SLCO4A1: variants seen among roughly 807,000 people sequenced by gnomAD.
The protein encoded by SLCO4A1 is solute carrier organic anion transporter family member 4A1.
In SLCO4A1, 51 loss-of-function variants were observed where a neutral mutation model predicts 64.6. The ratio of observed to expected loss-of-function variants is 0.79; its 90% CI spans 0.63 to 1.00. The LOEUF is 1.00. SLCO4A1 is among the 50% of genes least tolerant of loss of function. SLCO4A1 has a pLI of 0.00. For synonymous variants in SLCO4A1, 471 were observed against 444.9 expected (o/e 1.06, Z -0.74); for missense variants, 919 against 980.5 (o/e 0.94, Z 0.84).
chr20:62,687,457 C>T (rs1195977240), downstream of SLCO4A1, among the ~76,000 whole-genome samples: 1 of 152,258 alleles, frequency 6.6e-6, no homozygotes, highest in Non-Finnish European at 1.5e-5. Flanking sequence ...AGGGCAGGTG[C>T]GTCATCCGGG....
rs1984692308 is a variant in SLCO4A1 at position 62,661,025 on chromosome 20, C to G, written c.1010-39C>G. On this transcript the variant is annotated intron_variant, in intron 4 of 11. Coordinates refer to ENST00000217159, the MANE Select transcript of SLCO4A1 (RefSeq NM_016354.4). This position sits in a 1 kb window ranked among gnomAD's most constrained non-coding sequence, Gnocchi z 5.2. ...CTCGGAGAAGTCCACCTCCGGGAGC[C>G]CCCAGCCCCCAGCCCCAGCTCACTC... 1 of 726,464 alleles carries G rather than the reference C, an allele frequency of 1.4e-6. No individual in the cohort carries two copies. The highest frequency in any genetic ancestry group is 2.5e-6 in the Non-Finnish European group (1 of 395,144). 45.0% of individuals were successfully genotyped at this position (726,464 alleles called of 1,614,324 possible).
At chr20:62,671,319 G>A (rs1381016792) in intron 11 of SLCO4A1, among the ~76,000 whole-genome samples, 1 of 152,144 alleles carries the variant, frequency 6.6e-6, no homozygotes, top group Non-Finnish European at 1.5e-5. Flanking sequence ...AGCTGCATGT[G>A]GCCTTTCCCT....
intron 11 of SLCO4A1, among the ~76,000 whole-genome samples, chr20:62,670,677 G>A (rs1223296769): frequency 1.3e-5 from 2 of 152,222 alleles, no homozygotes; most frequent in Admixed American, 1.3e-4. Context: ...TTAGCTGGGA[G>A]CAGCAGGCTG....
rs757220564 is a variant in SLCO4A1 at position 62,667,862 on chromosome 20, C to T, written c.1590C>T (p.Cys530=). The T allele has an allele frequency of 6.2e-7, 1 of 1,613,654 alleles. No homozygotes were observed. Among genetic ancestry groups the T allele is most frequent in the African/African-American group, 1.3e-5 (1 of 74,942 alleles). ...GSDGLMYFSL[C]HAGCPAATET... Reference sequence around the variant, plus strand: ...ACGGCCTCATGTACTTCTCACTGTGCCACGCAGGGTGCCCTGCAGCCACGG... The same window carrying T: ...ACGGCCTCATGTACTTCTCACTGTGTCACGCAGGGTGCCCTGCAGCCACGG... The change falls in exon 8 of 12, where the codon TGC becomes TGT. Residue 530 remains cysteine (C), a synonymous_variant. Coordinates refer to ENST00000217159, the MANE Select transcript of SLCO4A1 (RefSeq NM_016354.4).
At chr20:62,660,246 G>GA (rs1181955229) in intron 3 of SLCO4A1, among the ~76,000 whole-genome samples, 166 bp from the exon 4 acceptor site, 3 of 152,202 alleles carry the variant, frequency 2.0e-5, no homozygotes, top group Non-Finnish European at 4.4e-5. Context: ...AGTCTGCAAG[G>GA]AAGGGACAGG....
Position 62,671,898 on chromosome 20 carries a change from C to T in SLCO4A1, c.*5C>T, listed in dbSNP as rs76616864. 9.7e-3 allele frequency: 15,635 copies of T among 1,609,886 alleles called. 105 individuals carry two copies. Among genetic ancestry groups the T allele is most frequent in the Non-Finnish European group, 0.012 (13,580 of 1,179,996 alleles). ...CAGCTCCAGAGCAGCGTCTGACCAC[C>T]GCCCGCGCCCACCCGGCCACGGCGG... is the stretch of plus-strand genomic sequence containing the variant. On this transcript the variant is annotated 3_prime_UTR_variant, in exon 12 of 12. Coordinates refer to ENST00000217159, the MANE Select transcript of SLCO4A1 (RefSeq NM_016354.4).
At chr20:62,676,034 C>T (rs981032656), downstream of SLCO4A1, among the ~76,000 whole-genome samples, 6 of 152,330 alleles carry the variant, frequency 3.9e-5, no homozygotes, top group Middle Eastern at 3.4e-3. Flanking sequence ...AAATGTTCTT[C>T]AAGAGTCAGA....
chr20:62,656,504 A>G lies in SLCO4A1; in HGVS notation c.50A>G (p.Asn17Ser), dbSNP rs1286494110. 3 of 1,551,148 alleles carry G rather than the reference A, an allele frequency of 1.9e-6. No individual in the cohort carries two copies. Among genetic ancestry groups the G allele is most frequent in the African/African-American group, 1.4e-5 (1 of 73,516 alleles). The part of the protein sequence containing the change: ...GDKPLTFPSP[N>S]SAMENGLDHT... ...AAGCCGCTCACCTTCCCCAGCCCCA[A>G]CTCAGCCATGGAAAACGGGCTTGAC... The change falls in exon 2 of 12, where the codon AAC becomes AGC. Residue 17 changes from asparagine to serine, a missense_variant. Transcript: ENST00000217159.
chr20:62,652,787 TGCTGTGGAATCTCTGCTGTCCGAG>T (rs1982837967), intron 1 of SLCO4A1, among the ~76,000 whole-genome samples: 1 of 152,230 alleles, frequency 6.6e-6, no homozygotes, highest in South Asian at 2.1e-4. Context: ...CAGGCATGAA[TGCTGTGGAATCTCTGCTGTCCGAG>T]GCCTCCAAAT....
intron 1 of SLCO4A1, among the ~76,000 whole-genome samples, chr20:62,650,958 C>T (rs951617401): frequency 2.0e-5 from 3 of 152,188 alleles, no homozygotes; most frequent in Non-Finnish European, 4.4e-5. Context: ...CAGAACGGCA[C>T]GCTCAGTAAA....
downstream of SLCO4A1, among the ~76,000 whole-genome samples, chr20:62,676,519 T>C (rs979232197): frequency 6.6e-6 from 1 of 152,082 alleles, no homozygotes; most frequent in Non-Finnish European, 1.5e-5. Context: ...ACAAAAGACA[T>C]AGAAAAGGCC....
At chr20:62,687,218 G>GATGGAAA (rs1555921744), downstream of SLCO4A1, among the ~76,000 whole-genome samples, 39 of 140,752 alleles carry the variant, frequency 2.8e-4, no homozygotes, top group South Asian at 4.7e-4. Context: ...AAACAGGAGC[G>GATGGAAA]GGGGCCTCTG....
In SLCO4A1 at chr20:62,656,787, G is replaced by A. The variant is rs753841745; in HGVS notation, c.333G>A (p.Ala111=). 2.1e-5 allele frequency: 34 copies of A among 1,612,762 alleles called. No individual in the cohort carries two copies. The Admixed American group carries it at 2.3e-4, about 11-fold the overall frequency. Residue 111 remains alanine, a synonymous_variant, in exon 2 of 12, where the codon GCG becomes GCA. Coordinates refer to ENST00000217159, the MANE Select transcript of SLCO4A1 (RefSeq NM_016354.4). ...AGGGCATCCTGTTCTTCCTGTGTGC[G>A]GCCGCATTCCTGCAGGGGATGACTG... ...TPKGILFFLC[A]AAFLQGMTVN... is the part of the protein sequence containing the mutation.
Position 62,668,071 on chromosome 20 carries a change from T to G in SLCO4A1, c.1698T>G (p.Thr566=), listed in dbSNP as rs1986696145. The part of the protein sequence containing the change: ...QNLSSGFGHA[T]AGKCTSTCQR... ...TTTCCTCTGGTTTTGGCCATGCCAC[T>G]GCAGGGAAATGCACTTCAACTTGTC... Residue 566 remains threonine, a synonymous_variant, in exon 9 of 12, where the codon ACT becomes ACG. Transcript: ENST00000217159. 6.2e-7 allele frequency: 1 copy of G among 1,614,042 alleles called. No homozygotes were observed. Among genetic ancestry groups the G allele is most frequent in the Non-Finnish European group, 8.5e-7 (1 of 1,180,032 alleles).
At chr20:62,657,328 G>A in intron 2 of SLCO4A1, 78 bp downstream of exon 2, 1 of 1,301,178 alleles carries the variant, frequency 7.7e-7, no homozygotes, top group Non-Finnish European at 1.0e-6. Context: ...ACTGGCCGGA[G>A]CCAGCCCCGC....
At chr20:62,653,518 C>G (rs1264824478) in intron 1 of SLCO4A1, among the ~76,000 whole-genome samples, 2 of 152,272 alleles carry the variant, frequency 1.3e-5, no homozygotes, top group Non-Finnish European at 1.5e-5. Flanking sequence ...CAGCATAGGC[C>G]TGTCCCGGGG....
intron 6 of SLCO4A1, 116 bp from the exon 7 acceptor site, chr20:62,666,264 A>G: frequency 2.4e-6 from 2 of 820,694 alleles, no homozygotes; most frequent in East Asian, 5.2e-5. Flanking sequence ...GCAGGCAGGA[A>G]TTGATCCCTC....
chr20:62,677,443 A>G (rs1601691900), intron 2 of SLCO4A1, among the ~76,000 whole-genome samples: 2 of 151,960 alleles, frequency 1.3e-5, no homozygotes, highest in Non-Finnish European at 2.9e-5. Context: ...CATAACTGCA[A>G]CTCTGCCAGG....
rs561272696 is a variant in SLCO4A1 at position 62,656,449 on chromosome 20, G to A, written c.-6G>A. On this transcript the variant is annotated 5_prime_UTR_variant, in exon 2 of 12. Coordinates refer to ENST00000217159, the MANE Select transcript of SLCO4A1 (RefSeq NM_016354.4). ...AGCCTCGAGGTCACCAGGCGGAGGCGCGGAGATGCCCCTGCATCAGCTGGG... is the reference window on the plus strand; with the variant it reads ...AGCCTCGAGGTCACCAGGCGGAGGCACGGAGATGCCCCTGCATCAGCTGGG... 3.0e-5 allele frequency: 44 copies of A among 1,468,040 alleles called. No individual in the cohort carries two copies. Among genetic ancestry groups the A allele is most frequent in the South Asian group, 6.8e-5 (5 of 73,866 alleles). 90.9% of individuals were successfully genotyped at this position (1,468,040 alleles called of 1,614,324 possible).
Sources: allele counts gnomAD v4.1 joint callset (sites outside exome capture counted in the v4.1 genomes callset), GRCh38; gene constraint gnomAD v4.1.1; non-coding constraint Gnocchi (gnomAD v3.1); transcripts MANE v1.5; gene names NCBI Gene and HGNC (gene_info 2026-07-23, HGNC 2026-07-21).